ESR1: variants seen among roughly 807,000 people sequenced by gnomAD.
The protein encoded by ESR1 is estrogen receptor 1, also known as estrogen receptor.
ESR1 carries 12 observed loss-of-function variants against 52.7 expected under a neutral mutation model. That is an observed-to-expected ratio of 0.23 (90% CI 0.15 to 0.37). The LOEUF (loss-of-function observed/expected upper bound fraction) is 0.37. Ranked by LOEUF, ESR1 falls within the 10% of genes least tolerant of loss-of-function variation. The pLI is 1.00. For synonymous variants in ESR1, 305 were observed against 316.8 expected (o/e 0.96, Z 0.39); for missense variants, 584 against 779.7 (o/e 0.75, Z 2.99).
rs575469483 is a variant in ESR1 at position 151,738,692 on chromosome 6, T to C, written c.-71+36687T>C. 5.3e-5 allele frequency among the ~76,000 whole-genome samples: 8 copies of C among 152,356 alleles called. No individual in the cohort carries two copies. In the East Asian group the frequency reaches 1.5e-3, roughly 29 times the overall value. ...AATATCATAAATTAGAAGCTGTCTA[T>C]GAAAACTTGTAGTTGGAAGATGTTT... is the stretch of plus-strand genomic sequence containing the variant. On this transcript the variant is annotated intron_variant, in intron 2 of 2. Transcript: ENST00000404742.
intron 6 of ESR1, among the ~76,000 whole-genome samples, chr6:152,075,798 A>G (rs2048691154): frequency 6.6e-6 from 1 of 152,154 alleles, no homozygotes; most frequent in Non-Finnish European, 1.5e-5. Context: ...GGCCAATTAT[A>G]TATGCTCAGA....
At chr6:151,940,409 T>A (rs535117307) in intron 3 of ESR1, among the ~76,000 whole-genome samples, 1 of 152,318 alleles carries the variant, frequency 6.6e-6, no homozygotes, top group South Asian at 2.1e-4. Flanking sequence ...ACTTGATTAT[T>A]TGATGATTTT....
At position 152,094,026 on chromosome 6, in the gene ESR1, C is replaced by T. The variant is rs1173487400; in HGVS notation, c.1370-359C>T. Among the ~76,000 whole-genome samples, 4 of 152,200 alleles carry T rather than the reference C, an allele frequency of 2.6e-5. No homozygotes were observed. The highest frequency in any genetic ancestry group is 1.3e-4 in the Admixed American group (2 of 15,286). ...ATGTGAAAAGGAACAACAGTGGCTG[C>T]TCACAGGGTTGTCAGTTACATGGTC... On this transcript the variant is annotated intron_variant, in intron 6 of 7. Coordinates refer to ENST00000206249, the MANE Select transcript of ESR1 (RefSeq NM_000125.4). This position sits in a 1 kb window ranked among gnomAD's most constrained non-coding sequence, Gnocchi z 4.6.
In ESR1 at chr6:151,895,920, G is replaced by A. The variant is rs1047038637; in HGVS notation, c.760+15149G>A. On this transcript the variant is annotated intron_variant, in intron 3 of 7. Transcript: ENST00000206249. ...TTCTCCTGCCTCAGCTCCCTGAGTCGCTAGGATTACAGGCACCTGCCACCA... is the reference window on the plus strand; with the variant it reads ...TTCTCCTGCCTCAGCTCCCTGAGTCACTAGGATTACAGGCACCTGCCACCA... 3.7e-4 allele frequency among the ~76,000 whole-genome samples: 56 copies of A among 152,180 alleles called. 1 individual carries two copies. Among genetic ancestry groups the A allele is most frequent in the Admixed American group, 2.8e-3 (43 of 15,302 alleles).
intron 2 of ESR1, among the ~76,000 whole-genome samples, chr6:151,752,558 T>TA (rs948806361): frequency 1.2e-4 from 18 of 149,764 alleles, no homozygotes; most frequent in African/African-American, 4.2e-4. Flanking sequence ...TTCACCAGAA[T>TA]AAAAAAAAAT....
intron 2 of ESR1, among the ~76,000 whole-genome samples, chr6:151,748,117 T>G (rs1783618201): frequency 6.6e-6 from 1 of 152,218 alleles, no homozygotes; most frequent in Non-Finnish European, 1.5e-5. Context: ...TTCCCTACAC[T>G]GTCATGTACA....
At chr6:151,782,246 A>C (rs952036554) in intron 2 of ESR1, among the ~76,000 whole-genome samples, 1 of 152,230 alleles carries the variant, frequency 6.6e-6, no homozygotes, top group South Asian at 2.1e-4. Context: ...TTTTTTATTT[A>C]TGAAACTAAT....
At chr6:151,899,899 C>A (rs1424162912) in intron 3 of ESR1, among the ~76,000 whole-genome samples, 2 of 151,784 alleles carry the variant, frequency 1.3e-5, no homozygotes, top group Non-Finnish European at 2.9e-5. Context: ...CAGAGACACT[C>A]CTCACTTTCC....
chr6:151,950,314 G>A (rs1414103027), intron 4 of ESR1, among the ~76,000 whole-genome samples: 2 of 152,196 alleles, frequency 1.3e-5, no homozygotes, highest in African/African-American at 4.8e-5. Context: ...TGTCCCCAGG[G>A]CACCCTGTGG....
At chr6:151,919,889 G>C (rs1256775751) in intron 3 of ESR1, among the ~76,000 whole-genome samples, 1 of 152,084 alleles carries the variant, frequency 6.6e-6, no homozygotes, top group Non-Finnish European at 1.5e-5. Flanking sequence ...CACACACACA[G>C]GTATATGTAT....
At chr6:151,950,975 C>T (rs1009373981) in intron 4 of ESR1, among the ~76,000 whole-genome samples, 1 of 151,722 alleles carries the variant, frequency 6.6e-6, no homozygotes, top group African/African-American at 2.4e-5. Context: ...ATAGACTTGG[C>T]TAATCATTTA....
rs191644195 is a variant in ESR1, at chr6:151,899,855, C to T, written c.760+19084C>T. Among the ~76,000 whole-genome samples the T allele has an allele frequency of 4.1e-3, 626 of 151,268 alleles. 7 individuals carry two copies. Among genetic ancestry groups the T allele is most frequent in the African/African-American group, 0.014 (590 of 41,142 alleles). On this transcript the variant is annotated intron_variant, in intron 3 of 7. Coordinates refer to ENST00000206249, the MANE Select transcript of ESR1 (RefSeq NM_000125.4). Reference sequence around the variant, plus strand: ...AGATGGGATGGCGGCCGGGAAGAGGCGCTCCTCACTTCCTAGATGGGATGG... The same window carrying T: ...AGATGGGATGGCGGCCGGGAAGAGGTGCTCCTCACTTCCTAGATGGGATGG...
intron 4 of ESR1, among the ~76,000 whole-genome samples, chr6:151,960,867 C>T (rs2037571851): frequency 6.6e-6 from 1 of 152,100 alleles, no homozygotes; most frequent in South Asian, 2.1e-4. Flanking sequence ...TGAGGAGTGA[C>T]CACATTTCAA....
chr6:151,889,580 TTTTG>T (rs1486870909), intron 3 of ESR1, among the ~76,000 whole-genome samples: 2 of 152,314 alleles, frequency 1.3e-5, no homozygotes, highest in African/African-American at 2.4e-5. Context: ...GGTTAATCAA[TTTTG>T]TTTATCTTTT....
chr6:151,798,122 T>C (rs923567570), intron 2 of ESR1, among the ~76,000 whole-genome samples: 1 of 152,140 alleles, frequency 6.6e-6, no homozygotes, highest in Non-Finnish European at 1.5e-5. Flanking sequence ...TGTCAGTGAC[T>C]GAGCCTGTTG....
intron 2 of ESR1, among the ~76,000 whole-genome samples, chr6:151,785,319 AG>A (rs1786917767): frequency 6.6e-6 from 1 of 152,182 alleles, no homozygotes; most frequent in Non-Finnish European, 1.5e-5. Context: ...AGATATGAAA[AG>A]ATGTAAAAGA....
chr6:151,908,249 TA>T (rs1214858271), intron 3 of ESR1, among the ~76,000 whole-genome samples: 1 of 152,226 alleles, frequency 6.6e-6, no homozygotes, highest in African/African-American at 2.4e-5. Context: ...TTCTTTTTTT[TA>T]AATGTTTATT....
chr6:151,907,261 A>T (rs192690547), intron 3 of ESR1, among the ~76,000 whole-genome samples: 1 of 152,180 alleles, frequency 6.6e-6, no homozygotes, highest in Admixed American at 6.5e-5. Context: ...CTTTAATGAG[A>T]TTGCATTAAA....
chr6:152,047,203 G>A (rs2046297327), intron 5 of ESR1, among the ~76,000 whole-genome samples: 1 of 151,658 alleles, frequency 6.6e-6, no homozygotes, highest in African/African-American at 2.4e-5. Context: ...TTTTATTCTT[G>A]TCTCTTATTT....
Sources: gnomAD v4.1 joint callset for allele counts (sites outside exome capture counted in the v4.1 genomes callset) on GRCh38, gnomAD v4.1.1 for gene constraint, Gnocchi (gnomAD v3.1) non-coding constraint, MANE v1.5 for transcripts, NCBI Gene and HGNC (gene_info 2026-07-23, HGNC 2026-07-21) for gene names.